IREB2: variants seen among roughly 807,000 people sequenced by gnomAD.
The protein encoded by IREB2 is iron responsive element binding protein 2, also known as iron-responsive element-binding protein 2.
In IREB2, 39 loss-of-function variants were observed where a neutral mutation model predicts 118.8. That is an observed-to-expected ratio of 0.33 (90% confidence interval 0.25 to 0.43). IREB2 has a LOEUF of 0.43. Ranked by LOEUF, IREB2 falls within the 20% of genes least tolerant of loss-of-function variation. The pLI is 1.00. For missense variants in IREB2, 900 were observed against 1,147.3 expected (o/e 0.78, Z 3.11); for synonymous variants, 372 against 392.2 (o/e 0.95, Z 0.61).
intron 2 of IREB2, among the ~76,000 whole-genome samples, chr15:78,448,090 GT>G (rs759703782): frequency 4.8e-4 from 73 of 152,332 alleles, no homozygotes; most frequent in Non-Finnish European, 8.4e-4. Context: ...GCAGGAATCT[GT>G]TTTGTTTTCT....
intron 13 of IREB2, 104 bp downstream of exon 13, chr15:78,485,944 C>A: frequency 1.0e-6 from 1 of 1,004,092 alleles, no homozygotes; most frequent in Non-Finnish European, 1.5e-6. Context: ...AAAAAATATG[C>A]TTTAGTTTTA....
chr15:78,483,785 CT>C lies in IREB2; in HGVS notation c.1413+367del, dbSNP rs1159977288. Among the ~76,000 whole-genome samples, 527 of 140,428 alleles carry C rather than the reference CT, an allele frequency of 3.8e-3. 4 individuals are homozygous for C. Among genetic ancestry groups the C allele is most frequent in the East Asian group, 0.015 (71 of 4,870 alleles). The allele number at this position is 140,428 out of a possible 152,430, so 92.1% of individuals were successfully genotyped here. On this transcript the variant is annotated intron_variant, in intron 11 of 21. Transcript: ENST00000258886. Reference sequence around the variant, plus strand: ...TTGAATAGTTACATCATCACAGAAACTTTTTTTTTTTTTTTTGAGACAGAGT... The same window carrying C: ...TTGAATAGTTACATCATCACAGAAACTTTTTTTTTTTTTTTGAGACAGAGT...
chr15:78,489,527 T>G (rs762695346), intron 16 of IREB2, among the ~76,000 whole-genome samples: 1 of 152,034 alleles, frequency 6.6e-6, no homozygotes, highest in Non-Finnish European at 1.5e-5. Context: ...TTTTTTGGTG[T>G]TTTTTGGGAG....
intron 2 of IREB2, among the ~76,000 whole-genome samples, chr15:78,440,831 T>A (rs1047235321): frequency 6.6e-6 from 1 of 152,192 alleles, no homozygotes; most frequent in Non-Finnish European, 1.5e-5. Flanking sequence ...ATTGACCTTA[T>A]CAGGGTCAAA....
intron 2 of IREB2, among the ~76,000 whole-genome samples, chr15:78,458,435 T>G (rs970737749): frequency 6.6e-6 from 1 of 152,156 alleles, no homozygotes; most frequent in Non-Finnish European, 1.5e-5. Flanking sequence ...TCAGTTTTGC[T>G]GTGAACCTAC....
intron 2 of IREB2, among the ~76,000 whole-genome samples, chr15:78,458,269 C>G (rs2051138151): frequency 1.3e-5 from 2 of 151,954 alleles, no homozygotes. Context: ...TAAGAGTGAA[C>G]CCTAATGTAA....
At chr15:78,462,727 A>G (rs1007581994) in intron 2 of IREB2, among the ~76,000 whole-genome samples, 195 bp from the exon 3 acceptor site, 1 of 152,186 alleles carries the variant, frequency 6.6e-6, no homozygotes, top group South Asian at 2.1e-4. Context: ...GAGGTTATGT[A>G]CAGGAAAGTC....
intron 8 of IREB2, chr15:78,475,744 C>G (rs1489337912): frequency 6.6e-6 from 1 of 152,586 alleles, no homozygotes; most frequent in Non-Finnish European, 1.5e-5. Flanking sequence ...TCCAGCTACT[C>G]TGGAGGCTAA....
chr15:78,457,062 A>G (rs1270893110), intron 2 of IREB2, among the ~76,000 whole-genome samples: 1 of 152,246 alleles, frequency 6.6e-6, no homozygotes, highest in Non-Finnish European at 1.5e-5. Flanking sequence ...TCCTTGTAGT[A>G]ATGATGATTG....
chr15:78,495,173 A>G (rs761218579), intron 20 of IREB2, among the ~76,000 whole-genome samples: 2 of 152,222 alleles, frequency 1.3e-5, no homozygotes, highest in African/African-American at 4.8e-5. Flanking sequence ...CACAGATACC[A>G]TGCAGGCCTC....
At chr15:78,492,794 G>A (rs1045101555) in intron 18 of IREB2, among the ~76,000 whole-genome samples, 24 of 152,170 alleles carry the variant, frequency 1.6e-4, no homozygotes, top group Admixed American at 3.3e-4. Flanking sequence ...ACATGGGCTC[G>A]AGCATTCCTC....
intron 9 of IREB2, chr15:78,476,704 A>G (rs1469429055): frequency 6.3e-6 from 1 of 157,968 alleles, no homozygotes; most frequent in African/African-American, 2.4e-5. Context: ...CCCTTCTACA[A>G]CCAAGAGTAG....
chr15:78,466,193 T>C, intron 4 of IREB2, 78 bp from the exon 5 acceptor site: 1 of 871,856 alleles, frequency 1.1e-6, no homozygotes, highest in South Asian at 1.7e-5. Flanking sequence ...ATAGCGTTGC[T>C]AATGTGCGTT....
Position 78,466,275 on chromosome 15 carries a change from A to G in IREB2, c.415A>G (p.Ile139Val), listed in dbSNP as rs1445241865. The G allele has an allele frequency of 2.5e-6, 4 of 1,609,554 alleles. No individual in the cohort carries two copies. The African/African-American group carries it at 4.0e-5, about 16-fold the overall frequency. The change falls in exon 5 of 22, where the codon ATA becomes GTA. Residue 139 changes from isoleucine to valine, a missense_variant. Coordinates refer to ENST00000258886, the MANE Select transcript of IREB2 (RefSeq NM_004136.4). ...GTTTTCTTTTTGGAATGACAGTGCA[A>G]TACAGAATGCACCAAATCCTGGAGG... ...SLQIDFSKCA[I>V]QNAPNPGGGD...
intron 2 of IREB2, among the ~76,000 whole-genome samples, chr15:78,440,139 G>A (rs1266882791): frequency 6.6e-6 from 1 of 151,974 alleles, no homozygotes; most frequent in Non-Finnish European, 1.5e-5. Context: ...CAATAATGCA[G>A]TTTTCAAACT....
intron 2 of IREB2, among the ~76,000 whole-genome samples, chr15:78,457,158 A>G (rs576091413): frequency 6.6e-6 from 1 of 152,292 alleles, no homozygotes; most frequent in Admixed American, 6.5e-5. Flanking sequence ...TGTCCTTATG[A>G]ATAAATCATC....
At chr15:78,439,721 C>T (rs2050815682) in intron 1 of IREB2, 74 bp from the exon 2 acceptor site, 3 of 813,858 alleles carry the variant, frequency 3.7e-6, no homozygotes, top group Non-Finnish European at 4.0e-6. Context: ...TTGGATAAAG[C>T]TAGTTTCCAG....
chr15:78,490,468 T>C lies in IREB2; in HGVS notation c.2123T>C (p.Leu708Ser), dbSNP rs377451137. ...TCCTTAGAAGCACCGGATTCAGTTT[T>C]GTTTCCATGGGACTTAAAGTCTACT... ...WNSLEAPDSV[L>S]FPWDLKSTYI... Residue 708 changes from leucine (L) to serine (S), a missense_variant, in exon 17 of 22, where the codon TTG (leucine) becomes TCG (serine). Coordinates refer to ENST00000258886, the MANE Select transcript of IREB2 (RefSeq NM_004136.4). 5 of 1,609,144 alleles carry C rather than the reference T, an allele frequency of 3.1e-6. No individual in the cohort carries two copies. Among genetic ancestry groups the C allele is most frequent in the African/African-American group, 2.7e-5 (2 of 74,528 alleles).
intron 3 of IREB2, among the ~76,000 whole-genome samples, chr15:78,464,895 C>T (rs2051255438): frequency 6.6e-6 from 1 of 152,046 alleles, no homozygotes; most frequent in South Asian, 2.1e-4. Context: ...CTGTGGATAG[C>T]TTTGGGGCAA....
Sources: gnomAD v4.1 joint callset for allele counts (sites outside exome capture counted in the v4.1 genomes callset) on GRCh38, gnomAD v4.1.1 for gene constraint, MANE v1.5 for transcripts, NCBI Gene and HGNC (gene_info 2026-07-23, HGNC 2026-07-21) for gene names.